CDH20: variants seen among roughly 807,000 people sequenced by gnomAD.
CDH20 encodes cadherin 20, also known as cadherin-20.
CDH20 carries 29 observed loss-of-function variants against 74.2 expected under a neutral mutation model. The observed-to-expected ratio is 0.39, with a 90% CI of 0.29 to 0.53. The LOEUF (loss-of-function observed/expected upper bound fraction) is 0.53, where lower values mean the gene tolerates loss of function less well. Ranked by LOEUF, CDH20 falls within the 20% of genes least tolerant of loss-of-function variation. The pLI is 0.69. For synonymous variants in CDH20, 469 were observed against 405.4 expected, an observed-to-expected ratio of 1.16 and a Z score of -1.88; for missense variants, 988 against 1,048.3, an observed-to-expected ratio of 0.94 and a Z score of 0.79.
intron 11 of CDH20, among the ~76,000 whole-genome samples, chr18:61,550,891 T>C (rs1030217971): frequency 2.6e-5 from 4 of 152,206 alleles, no homozygotes; most frequent in African/African-American, 9.7e-5. Context: ...AGCAGAGAGC[T>C]GAAGGAAGTG....
chr18:61,411,921 T>C (rs190388414), intron 1 of CDH20, among the ~76,000 whole-genome samples: 1 of 151,820 alleles, frequency 6.6e-6, no homozygotes, highest in African/African-American at 2.4e-5. Context: ...GGGTGATGGG[T>C]GCACCAAAAT....
intron 1 of CDH20, among the ~76,000 whole-genome samples, chr18:61,377,844 A>G (rs1045142192): frequency 1.3e-5 from 2 of 152,148 alleles, no homozygotes; most frequent in Non-Finnish European, 2.9e-5. Flanking sequence ...AGACCTGCAC[A>G]TATTGGGCCA....
intron 1 of CDH20, among the ~76,000 whole-genome samples, chr18:61,368,487 G>T (rs1599040054): frequency 6.6e-6 from 1 of 151,864 alleles, no homozygotes; most frequent in African/African-American, 2.4e-5. Flanking sequence ...ACATATGTTT[G>T]GGGGTAAATA....
intron 1 of CDH20, among the ~76,000 whole-genome samples, chr18:61,382,425 G>C (rs1417671592): frequency 6.6e-6 from 1 of 152,166 alleles, no homozygotes; most frequent in African/African-American, 2.4e-5. Flanking sequence ...ACTAGCTGAG[G>C]GTAGATTCAT....
intron 1 of CDH20, among the ~76,000 whole-genome samples, chr18:61,479,500 C>T (rs1471705388): frequency 6.6e-6 from 1 of 152,140 alleles, no homozygotes; most frequent in African/African-American, 2.4e-5. Flanking sequence ...TCAGTACTAA[C>T]TAAAAGAATA....
chr18:61,457,683 G>A (rs1909620831), intron 1 of CDH20, among the ~76,000 whole-genome samples: 1 of 152,098 alleles, frequency 6.6e-6, no homozygotes, highest in Non-Finnish European at 1.5e-5. Flanking sequence ...AAAATAATAT[G>A]TTTGGAGGTT....
At chr18:61,511,414 G>A (rs923927705) in intron 6 of CDH20, among the ~76,000 whole-genome samples, 1 of 152,016 alleles carries the variant, frequency 6.6e-6, no homozygotes, top group African/African-American at 2.4e-5. Flanking sequence ...AAACTCCTGA[G>A]CTCAAGTGGT....
At chr18:61,489,757 C>T (rs559096783) in intron 1 of CDH20, among the ~76,000 whole-genome samples, 8 of 152,206 alleles carry the variant, frequency 5.3e-5, no homozygotes, top group African/African-American at 1.9e-4. Context: ...GGAAAGGTCA[C>T]ATTAGCAGCC....
At chr18:61,371,423 G>A (rs1911035543) in intron 1 of CDH20, among the ~76,000 whole-genome samples, 1 of 151,998 alleles carries the variant, frequency 6.6e-6, no homozygotes. Context: ...TGTTATCCAT[G>A]TATTGAAACA....
chr18:61,385,585 G>GA (rs1049231977), intron 1 of CDH20, among the ~76,000 whole-genome samples: 14 of 141,102 alleles, frequency 9.9e-5, no homozygotes, highest in African/African-American at 2.5e-4. Flanking sequence ...AAAATTTGGG[G>GA]AAAAAAAACC....
chr18:61,540,252 G>A (rs942456149), intron 9 of CDH20, among the ~76,000 whole-genome samples: 1 of 152,164 alleles, frequency 6.6e-6, no homozygotes, highest in Non-Finnish European at 1.5e-5. Flanking sequence ...GGCTGGAATG[G>A]TTTTAACATG....
At chr18:61,434,685 C>T (rs1011972842) in intron 1 of CDH20, among the ~76,000 whole-genome samples, 5 of 152,074 alleles carry the variant, frequency 3.3e-5, no homozygotes, top group Admixed American at 1.3e-4. Context: ...GCACCCCAAG[C>T]TCCCTGAGCC....
At chr18:61,407,376 T>A (rs558688345) in intron 1 of CDH20, among the ~76,000 whole-genome samples, 2 of 152,276 alleles carry the variant, frequency 1.3e-5, no homozygotes, top group African/African-American at 4.8e-5. Flanking sequence ...GAGAAAGAAG[T>A]TAACAATTAC....
intron 1 of CDH20, among the ~76,000 whole-genome samples, chr18:61,397,670 T>C (rs1912029664): frequency 6.6e-6 from 1 of 152,314 alleles, no homozygotes; most frequent in South Asian, 2.1e-4. Flanking sequence ...CTCTGTCTTG[T>C]GGTTAAGAAC....
Position 61,503,000 on chromosome 18 carries a change from T to C in CDH20, c.709T>C (p.Tyr237His). 6.2e-7 allele frequency: 1 copy of C among 1,613,988 alleles called. No homozygotes were observed. Among genetic ancestry groups the C allele is most frequent in the Admixed American group, 1.7e-5 (1 of 60,010 alleles). Residue 237 changes from tyrosine to histidine, a missense_variant, in exon 5 of 12, where the codon TAC (tyrosine) becomes CAC (histidine). Transcript: ENST00000262717. ...LMNMDREAKE[Y>H]YEVIIQAKDM... The stretch of plus-strand genomic sequence containing the variant: ...GAACATGGACAGAGAAGCCAAAGAA[T>C]ACTACGAAGTGATTATCCAAGCCAA...
intron 1 of CDH20, among the ~76,000 whole-genome samples, chr18:61,388,536 A>C (rs547947379): frequency 6.6e-6 from 1 of 152,318 alleles, no homozygotes; most frequent in South Asian, 2.1e-4. Flanking sequence ...TTAAGTGCTC[A>C]GCCAATTCAT....
Position 61,389,646 on chromosome 18 carries a change from C to A in CDH20, c.-153+55819C>A, listed in dbSNP as rs183954541. On this transcript the variant is annotated intron_variant, in intron 1 of 11. Transcript: ENST00000262717. ...TAAGCTTAACACTGGAATAAAACAT[C>A]CCCATTCTTGCTGAAATGGATGAAT... Among the ~76,000 whole-genome samples, 288 of 152,316 alleles carry A rather than the reference C, an allele frequency of 1.9e-3. 1 individual carries two copies. Among genetic ancestry groups the A allele is most frequent in the African/African-American group, 6.7e-3 (277 of 41,580 alleles).
At chr18:61,405,955 T>C (rs1282476317) in intron 1 of CDH20, among the ~76,000 whole-genome samples, 1 of 152,222 alleles carries the variant, frequency 6.6e-6, no homozygotes, top group Non-Finnish European at 1.5e-5. Flanking sequence ...AGATTCCTAG[T>C]AGATTTGCTG....
At chr18:61,544,575 T>C (rs1381876601) in intron 9 of CDH20, among the ~76,000 whole-genome samples, 1 of 152,192 alleles carries the variant, frequency 6.6e-6, no homozygotes, top group African/African-American at 2.4e-5. Context: ...GGCTTCCCAG[T>C]GGCCAGATTC....
Sources: gnomAD v4.1 joint callset for allele counts (sites outside exome capture counted in the v4.1 genomes callset) on GRCh38, gnomAD v4.1.1 for gene constraint, MANE v1.5 for transcripts, NCBI Gene and HGNC (gene_info 2026-07-23, HGNC 2026-07-21) for gene names.